The following MAP3K11 variants were observed in gnomAD, a reference collection of about 807,000 sequenced individuals.
MAP3K11 encodes the protein mitogen-activated protein kinase kinase kinase 11, also known as SH3 domain-containing proline-rich kinase.
Under a neutral mutation model 84.9 loss-of-function variants are expected in MAP3K11, and 46 were observed. The ratio of observed to expected loss-of-function variants is 0.54; its 90% confidence interval spans 0.43 to 0.69. The LOEUF (loss-of-function observed/expected upper bound fraction) is 0.69. Among genes scored for constraint, MAP3K11 ranks in the 30% least tolerant of loss-of-function variants. The probability of loss-of-function intolerance (pLI) is 0.00; values close to 1 mark genes in which losing one functional copy is unlikely to be tolerated. For synonymous variants in MAP3K11, 527 were observed against 514.7 expected, an observed-to-expected ratio of 1.02 and a Z score of -0.32; for missense variants, 1,053 against 1,198.3, an observed-to-expected ratio of 0.88 and a Z score of 1.79.
At chr11:65,604,123 T>C (rs771197158) in intron 8 of MAP3K11, among the ~76,000 whole-genome samples, 2 of 152,262 alleles carry the variant, frequency 1.3e-5, no homozygotes, top group Non-Finnish European at 2.9e-5. Context: ...ACTTAGAAGT[T>C]TGTCACTGAT....
chr11:65,599,739 C>T lies in MAP3K11; in HGVS notation c.1861G>A (p.Glu621Lys), dbSNP rs376240928. ...GNPPRPSLEPEEPKRPVPAER... is the reference protein window; with the variant it reads ...GNPPRPSLEPKEPKRPVPAER... ...GCGGGGACAGGCCTCTTGGGCTCCT[C>T]GGGCTCCAGGCTAGGCCGCGGGGGG... The change falls in exon 9 of 10, where the codon GAG becomes AAG. Residue 621 changes from glutamate (E) to lysine (K), a missense_variant. Glu to Lys is a moderately conservative substitution (Grantham distance 56). Transcript: ENST00000309100. 1.4e-5 allele frequency: 22 copies of T among 1,591,112 alleles called. No homozygotes were observed. Among genetic ancestry groups the T allele is most frequent in the African/African-American group, 5.4e-5 (4 of 74,746 alleles).
At chr11:65,604,113 A>C (rs930737925) in intron 8 of MAP3K11, among the ~76,000 whole-genome samples, 2 of 152,278 alleles carry the variant, frequency 1.3e-5, no homozygotes, top group Non-Finnish European at 2.9e-5. Context: ...GGGTTGAATT[A>C]CTTAGAAGTT....
rs1425565509 is a variant in MAP3K11 at position 65,599,662 on chromosome 11, C to T, written c.1938G>A (p.Leu646=). The stretch of plus-strand genomic sequence containing the variant: ...GCGAGGCGAGCAGGGCGGTGCCGCG[C>T]AGCAGCGCCCGCTGGATCAGCTTGG... The part of the protein sequence containing the change: ...GTPKLIQRAL[L]RGTALLASLG... The change falls in exon 9 of 10, where the codon CTG becomes CTA. Residue 646 remains leucine, a synonymous_variant. Transcript: ENST00000309100. 9 of 1,549,916 alleles carry T rather than the reference C, an allele frequency of 5.8e-6. No homozygotes were observed. Among genetic ancestry groups the T allele is most frequent in the Non-Finnish European group, 6.9e-6 (8 of 1,152,612 alleles).
In MAP3K11 at chr11:65,607,284, A is replaced by T; in HGVS notation, c.1475T>A (p.Ile492Asn). 1 of 1,520,518 alleles carries T rather than the reference A, an allele frequency of 6.6e-7. No homozygotes were observed. Among genetic ancestry groups the T allele is most frequent in the Non-Finnish European group, 8.7e-7 (1 of 1,143,274 alleles). 94.2% of individuals were successfully genotyped at this position (1,520,518 alleles called of 1,614,324 possible). A position where few individuals can be genotyped will look rare whatever the true frequency, so the allele number is the denominator to read the frequency against. The change falls in exon 5 of 10, where the codon ATC becomes AAC. Residue 492 changes from isoleucine (I) to asparagine (N), a missense_variant. Physicochemically the swap from Ile to Asn is moderately radical, Grantham distance 149 (BLOSUM62 -3). This residue lies in a region of MAP3K11 where 583 missense variants were observed against 566.6 expected (regional missense o/e 1.03). Transcript: ENST00000309100. ...KLRARDGGER[I>N]SMPLDFKHRI... is the part of the protein sequence containing the mutation. ...CCGGCCCTCACCGAGTGGCATGCTG[A>T]TACGCTCGCCGCCGTCGCGCGCCCG... is the stretch of plus-strand genomic sequence containing the variant.
At chr11:65,600,243 C>CT (rs1854441335) in intron 8 of MAP3K11, among the ~76,000 whole-genome samples, 1 of 152,084 alleles carries the variant, frequency 6.6e-6, no homozygotes, top group South Asian at 2.1e-4. Flanking sequence ...TGCACACAGT[C>CT]AACTCTAAGG....
In MAP3K11 at chr11:65,606,070, C is replaced by T; in HGVS notation, c.1615G>A (p.Glu539Lys). 6.3e-7 allele frequency: 1 copy of T among 1,576,924 alleles called. No homozygotes were observed. Among genetic ancestry groups the T allele is most frequent in the Non-Finnish European group, 8.6e-7 (1 of 1,165,544 alleles). Residue 539 changes from glutamate to lysine, a missense_variant, in exon 7 of 10, where the codon GAG (glutamate) becomes AAG (lysine). This residue lies in a region of MAP3K11 where 583 missense variants were observed against 566.6 expected (regional missense o/e 1.03). Transcript: ENST00000309100. ...TGGCGGCCCCATGCCTGGCCTGGCT[C>T]TGCAGGCTCCACTGCAGGGGAAACC... ...RFRAIQLEPA[E>K]PGQAWGRQSP...
chr11:65,598,113 C>T lies in MAP3K11; in HGVS notation c.*178G>A, dbSNP rs1052754502. ...GACCTACAGGTTTCAGATGTGGGGG[C>T]GCAGGTCCCCCTTCCAGTGTGAAGG... On this transcript the variant is annotated 3_prime_UTR_variant, in exon 10 of 10. Coordinates refer to ENST00000309100, the MANE Select transcript of MAP3K11 (RefSeq NM_002419.4). 1.8e-5 allele frequency: 8 copies of T among 439,756 alleles called. No homozygotes were observed. The highest frequency in any genetic ancestry group is 1.0e-4 in the African/African-American group (5 of 49,440). 27.2% of individuals were successfully genotyped at this position (439,756 alleles called of 1,614,324 possible). A position where few individuals can be genotyped will look rare whatever the true frequency, so the allele number is the denominator to read the frequency against.
At chr11:65,610,587 AAC>A (rs752278003) in intron 1 of MAP3K11, 8 of 152,298 alleles carry the variant, frequency 5.3e-5, no homozygotes, top group Non-Finnish European at 8.8e-5. Flanking sequence ...CCAAAGGGGA[AAC>A]ACAGCAGGCT....
intron 8 of MAP3K11, among the ~76,000 whole-genome samples, chr11:65,604,486 T>C (rs891560411): frequency 1.3e-5 from 2 of 152,236 alleles, no homozygotes; most frequent in East Asian, 3.8e-4. Flanking sequence ...GCGGGGCAGA[T>C]GGAGGCCCAG....
chr11:65,601,928 G>A (rs1357917886), intron 8 of MAP3K11, among the ~76,000 whole-genome samples: 1 of 151,830 alleles, frequency 6.6e-6, no homozygotes, highest in African/African-American at 2.4e-5. Flanking sequence ...AGTTGGCCGG[G>A]TGCGGTGGCT....
At chr11:65,606,840 T>G (rs773588472) in intron 5 of MAP3K11, 36 bp from the exon 6 acceptor site, 2 of 1,412,624 alleles carry the variant, frequency 1.4e-6, no homozygotes, top group Non-Finnish European at 2.0e-6. Flanking sequence ...GGTTCAGGTT[T>G]GTGATGAAGT....
rs776901400 is a variant in MAP3K11, at chr11:65,599,621, T to A, written c.1979A>T (p.Asp660Val). 1.9e-6 allele frequency: 3 copies of A among 1,540,818 alleles called. No individual in the cohort carries two copies. Among genetic ancestry groups the A allele is most frequent in the Non-Finnish European group, 2.6e-6 (3 of 1,148,798 alleles). ...TCCTGGGCCTCCCGGCGGCTGCAGG[T>A]CGCGGCCAAGGCCCAGCGAGGCGAG... Reference protein sequence around the residue: ...ALLASLGLGRDLQPPGGPGRE... With the variant: ...ALLASLGLGRVLQPPGGPGRE... Residue 660 changes from aspartate to valine, a missense_variant, in exon 9 of 10, where the codon GAC becomes GTC. Coordinates refer to ENST00000309100, the MANE Select transcript of MAP3K11 (RefSeq NM_002419.4).
At chr11:65,606,306 G>A in intron 6 of MAP3K11, 1 of 483,886 alleles carries the variant, frequency 2.1e-6, no homozygotes, top group Non-Finnish European at 3.6e-6. Context: ...AATTAGTACA[G>A]ACACTGACAC....
chr11:65,607,782 G>A lies in MAP3K11; in HGVS notation c.1104C>T (p.Asp368=). 1 of 1,613,068 alleles carries A rather than the reference G, an allele frequency of 6.2e-7. No homozygotes were observed. The highest frequency in any genetic ancestry group is 8.5e-7 in the Non-Finnish European group (1 of 1,179,702). The change falls in exon 4 of 10, where the codon GAC becomes GAT. Residue 368 remains aspartate, a synonymous_variant. Coordinates refer to ENST00000309100, the MANE Select transcript of MAP3K11 (RefSeq NM_002419.4). The part of the protein sequence containing the change: ...CWAQDPHRRP[D]FASILQQLEA... Reference sequence around the variant, plus strand: ...CCAACTGCTGCAGGATGGAGGCGAAGTCGGGCCTGCGGTGGGGGTCCTGCG... The same window carrying A: ...CCAACTGCTGCAGGATGGAGGCGAAATCGGGCCTGCGGTGGGGGTCCTGCG...
chr11:65,610,075 G>C (rs192038350), intron 1 of MAP3K11: 2 of 152,752 alleles, frequency 1.3e-5, no homozygotes, highest in African/African-American at 4.8e-5. Context: ...CACTGCCCCT[G>C]GCTGACTCAG....
rs923622865 is a variant in MAP3K11, at chr11:65,614,011, A to G, written c.-255T>C. Reference sequence around the variant, plus strand: ...GCCCCGGGGCCTCCGGCGCCTCACCATGGCTAGCTTGGAGGGACCCGAGCT... The same window carrying G: ...GCCCCGGGGCCTCCGGCGCCTCACCGTGGCTAGCTTGGAGGGACCCGAGCT... On this transcript the variant is annotated 5_prime_UTR_variant, in exon 1 of 10. An upstream start codon of the reference 5' UTR is lost. Transcript: ENST00000309100. The G allele has an allele frequency of 1.2e-5, 6 of 502,294 alleles. No individual in the cohort carries two copies. Among genetic ancestry groups the G allele is most frequent in the Admixed American group, 7.6e-5 (2 of 26,370 alleles). The allele number at this position is 502,294 out of a possible 1,614,324, so 31.1% of individuals were successfully genotyped here.
At position 65,613,610 on chromosome 11, in the gene MAP3K11, C is replaced by A. The variant is rs765456719; in HGVS notation, c.147G>T (p.Leu49=). The A allele has an allele frequency of 1.2e-6, 2 of 1,612,998 alleles. No individual in the cohort carries two copies. Among genetic ancestry groups the A allele is most frequent in the African/African-American group, 2.7e-5 (2 of 74,944 alleles). The change falls in exon 1 of 10, where the codon CTG becomes CTT. Residue 49 remains leucine (L), a synonymous_variant. Transcript: ENST00000309100. ...CCTGCCCACTGGGCTCGTAGTCGAA[C>A]AGGGCTGTCCACACCGGGTTGGCAT... is the stretch of plus-strand genomic sequence containing the variant. ...AGYANPVWTA[L]FDYEPSGQDE... is the part of the protein sequence containing the mutation.
Position 65,606,063 on chromosome 11 carries a change from C to G in MAP3K11, c.1622G>C (p.Gly541Ala). 1.3e-6 allele frequency: 2 copies of G among 1,582,262 alleles called. No homozygotes were observed. Among genetic ancestry groups the G allele is most frequent in the Non-Finnish European group, 1.7e-6 (2 of 1,167,090 alleles). The part of the protein sequence containing the change: ...RAIQLEPAEP[G>A]QAWGRQSPRR... ...GGGGGACTGGCGGCCCCATGCCTGG[C>G]CTGGCTCTGCAGGCTCCACTGCAGG... Residue 541 changes from glycine to alanine, a missense_variant, in exon 7 of 10, where the codon GGC becomes GCC. Around this residue, in one of 3 missense-constraint regions of MAP3K11, gnomAD observed 583 missense variants for 566.6 expected, o/e 1.03. Coordinates refer to ENST00000309100, the MANE Select transcript of MAP3K11 (RefSeq NM_002419.4).
At chr11:65,611,625 G>C (rs1473560743) in intron 1 of MAP3K11, 1 of 152,464 alleles carries the variant, frequency 6.6e-6, no homozygotes, top group Non-Finnish European at 1.5e-5. Flanking sequence ...GCAGGCAGCT[G>C]GGCTAGGGAG....
Sources: gnomAD v4.1 joint callset for allele counts (sites outside exome capture counted in the v4.1 genomes callset) on GRCh38, gnomAD v4.1.1 for gene constraint, gnomAD v4.1.1 regional missense constraint, MANE v1.5 for transcripts, NCBI Gene and HGNC (gene_info 2026-07-23, HGNC 2026-07-21) for gene names.